The following PDE3A variants were observed in gnomAD, a reference collection of about 807,000 sequenced individuals.
PDE3A encodes the protein cGMP-inhibited 3',5'-cyclic phosphodiesterase 3A.
Under a neutral mutation model 98.3 loss-of-function variants are expected in PDE3A, and 43 were observed. The observed-to-expected ratio is 0.44, with a 90% CI of 0.34 to 0.56. The LOEUF (loss-of-function observed/expected upper bound fraction) is 0.56, where lower values mean the gene tolerates loss of function less well. PDE3A is among the 20% of genes least tolerant of loss of function. The probability of loss-of-function intolerance (pLI) is 0.01; values close to 1 mark genes in which losing one functional copy is unlikely to be tolerated. For synonymous variants in PDE3A, 663 were observed against 567.9 expected (o/e 1.17, Z -2.38); for missense variants, 1,427 against 1,440.7 (o/e 0.99, Z 0.15).
At position 20,671,185 on chromosome 12, in the gene PDE3A, T is replaced by G. The variant is rs369691286; in HGVS notation, c.3185-8845T>G. ...ATCTCTGAATAGACCAATAACAGGA[T>G]CTGAAATTGTGGCAATAATCAATAG... On this transcript the variant is annotated intron_variant, in intron 15 of 15. Coordinates refer to ENST00000359062, the MANE Select transcript of PDE3A (RefSeq NM_000921.5). 7.2e-4 allele frequency among the ~76,000 whole-genome samples: 106 copies of G among 147,642 alleles called. No homozygotes were observed. The South Asian group carries it at 0.02, about 27-fold the overall frequency.
intron 1 of PDE3A, among the ~76,000 whole-genome samples, chr12:20,468,138 A>G (rs575422149): frequency 2.0e-5 from 3 of 152,020 alleles, no homozygotes; most frequent in Non-Finnish European, 4.4e-5. Context: ...ATTAGGATTG[A>G]TTTTGATACA....
intron 1 of PDE3A, among the ~76,000 whole-genome samples, chr12:20,512,786 A>T (rs1000254564): frequency 2.0e-5 from 3 of 152,114 alleles, no homozygotes; most frequent in Non-Finnish European, 2.9e-5. Context: ...CATGAGAGTG[A>T]TGACAGATTC....
intron 2 of PDE3A, among the ~76,000 whole-genome samples, chr12:20,564,062 C>T (rs569152538): frequency 6.6e-6 from 1 of 152,240 alleles, no homozygotes; most frequent in Non-Finnish European, 1.5e-5. Flanking sequence ...CCACAGCACA[C>T]ACAGTGTCAA....
intron 1 of PDE3A, among the ~76,000 whole-genome samples, chr12:20,476,468 G>C (rs561768799): frequency 6.6e-6 from 1 of 152,262 alleles, no homozygotes; most frequent in African/African-American, 2.4e-5. Flanking sequence ...AATGTCAACG[G>C]ACATTTAAAG....
chr12:20,615,022 T>C (rs867722178), intron 3 of PDE3A, among the ~76,000 whole-genome samples: 45 of 136,122 alleles, frequency 3.3e-4, no homozygotes, highest in East Asian at 4.3e-4. Flanking sequence ...CTTTCTTTTT[T>C]TTTTTTTTTT....
chr12:20,681,385 C>G lies in PDE3A; in HGVS notation c.*1114C>G, dbSNP rs1945779320. ...AGAGAAGGCTTGGGAAATTGTACTT[C>G]AGCGTGATAGCCTGTGTCTTCTTAA... On this transcript the variant is annotated 3_prime_UTR_variant, in exon 16 of 16. Transcript: ENST00000359062. 1 of 152,186 alleles carries G rather than the reference C, an allele frequency of 6.6e-6. No homozygotes were observed. The highest frequency in any genetic ancestry group is 1.5e-5 in the Non-Finnish European group (1 of 68,046). The allele number at this position is 152,186 out of a possible 1,614,324, so 9.4% of individuals were successfully genotyped here. A position where few individuals can be genotyped will look rare whatever the true frequency, so the allele number is the denominator to read the frequency against.
intron 1 of PDE3A, among the ~76,000 whole-genome samples, chr12:20,392,618 C>G (rs1424583925): frequency 6.6e-6 from 1 of 151,954 alleles, no homozygotes; most frequent in Non-Finnish European, 1.5e-5. Context: ...AAAAATAGAA[C>G]TCCCATGTGA....
chr12:20,676,041 G>A (rs1005710575), intron 15 of PDE3A, among the ~76,000 whole-genome samples: 2 of 152,026 alleles, frequency 1.3e-5, no homozygotes, highest in Non-Finnish European at 2.9e-5. Context: ...TAATTGTTAT[G>A]TATATCTTTT....
At chr12:20,472,654 ACT>A (rs1210582219) in intron 1 of PDE3A, among the ~76,000 whole-genome samples, 2 of 152,180 alleles carry the variant, frequency 1.3e-5, no homozygotes, top group African/African-American at 4.8e-5. Flanking sequence ...GTAGCTAGTG[ACT>A]CTGTACACAG....
intron 1 of PDE3A, among the ~76,000 whole-genome samples, chr12:20,465,597 G>T (rs1945328729): frequency 6.6e-6 from 1 of 152,040 alleles, no homozygotes. Context: ...GTTTAGTAGA[G>T]ATGGGGTTTC....
At chr12:20,447,556 C>T (rs7486077) in intron 1 of PDE3A, among the ~76,000 whole-genome samples, 40,985 of 152,040 alleles carry the variant, frequency 0.27, 7,041 homozygotes, top group East Asian at 0.63. Flanking sequence ...CAGAGGACTT[C>T]TGGATAGCTG....
chr12:20,599,933 C>T (rs527824432), intron 2 of PDE3A, among the ~76,000 whole-genome samples: 1 of 152,306 alleles, frequency 6.6e-6, no homozygotes, highest in South Asian at 2.1e-4. Flanking sequence ...ATACTAAACT[C>T]ATAAACATTT....
At position 20,591,973 on chromosome 12, in the gene PDE3A, T is replaced by C. The variant is rs111428962; in HGVS notation, c.1012-21470T>C. Among the ~76,000 whole-genome samples the C allele has an allele frequency of 4.4e-3, 674 of 152,320 alleles. 7 individuals are homozygous for C. Among genetic ancestry groups the C allele is most frequent in the African/African-American group, 0.016 (651 of 41,572 alleles). On this transcript the variant is annotated intron_variant, in intron 2 of 15. Transcript: ENST00000359062. Reference sequence around the variant, plus strand: ...TTCATTATGATAAGCACTGGTGATATAATAAAGGGTTAAGTAAAATACATG... The same window carrying C: ...TTCATTATGATAAGCACTGGTGATACAATAAAGGGTTAAGTAAAATACATG...
At chr12:20,391,368 C>CATATAT (rs370725569) in intron 1 of PDE3A, among the ~76,000 whole-genome samples, 52 of 142,488 alleles carry the variant, frequency 3.6e-4, no homozygotes, top group Non-Finnish European at 5.9e-4. Context: ...TATATATTCT[C>CATATAT]ATATATATAT....
Position 20,639,961 on chromosome 12 carries a change from A to C in PDE3A, c.2251+4A>C. Reference sequence around the variant, plus strand: ...ATTGGATATAGGGATATTCCTTGTAAGTATATGTGATTTGTGAAATAATAC... The same window carrying C: ...ATTGGATATAGGGATATTCCTTGTACGTATATGTGATTTGTGAAATAATAC... On this transcript the variant is annotated splice_donor_region_variant and intron_variant, in intron 10 of 15. Transcript: ENST00000359062. The C allele has an allele frequency of 8.5e-7, 1 of 1,171,298 alleles. No individual in the cohort carries two copies. Among genetic ancestry groups the C allele is most frequent in the Non-Finnish European group, 1.3e-6 (1 of 780,274 alleles). The allele number at this position is 1,171,298 out of a possible 1,614,324, so 72.6% of individuals were successfully genotyped here.
chr12:20,581,518 A>C (rs1016474566), intron 2 of PDE3A, among the ~76,000 whole-genome samples: 1 of 152,076 alleles, frequency 6.6e-6, no homozygotes, highest in African/African-American at 2.4e-5. Flanking sequence ...AGTTGAATAC[A>C]TCCATAGATG....
intron 1 of PDE3A, among the ~76,000 whole-genome samples, chr12:20,501,764 C>A (rs577048617): frequency 2.6e-4 from 39 of 152,078 alleles, no homozygotes; most frequent in African/African-American, 9.4e-4. Context: ...TGTAGTAATA[C>A]AATCAAAAAA....
chr12:20,493,191 C>T (rs940567720), intron 1 of PDE3A, among the ~76,000 whole-genome samples: 1 of 151,994 alleles, frequency 6.6e-6, no homozygotes, highest in Non-Finnish European at 1.5e-5. Context: ...TTTACATGCA[C>T]CTTTTAGCTG....
chr12:20,578,115 T>C (rs1172445127), intron 2 of PDE3A, among the ~76,000 whole-genome samples: 2 of 152,172 alleles, frequency 1.3e-5, no homozygotes, highest in Non-Finnish European at 2.9e-5. Flanking sequence ...ACTTTGTCTC[T>C]AGGAGTTTCA....
Sources: gnomAD v4.1 joint callset for allele counts (sites outside exome capture counted in the v4.1 genomes callset) on GRCh38, gnomAD v4.1.1 for gene constraint, MANE v1.5 for transcripts, NCBI Gene and HGNC (gene_info 2026-07-23, HGNC 2026-07-21) for gene names.